LUZP2: variants seen among roughly 807,000 people sequenced by gnomAD.
LUZP2 encodes the protein leucine zipper protein 2.
In LUZP2, 52 loss-of-function variants were observed where a neutral mutation model predicts 51.6. The observed-to-expected ratio is 1.01, with a 90% CI of 0.81 to 1.27. LUZP2 has a LOEUF of 1.27. Ranked by LOEUF, LUZP2 falls within the 50% of genes most tolerant of loss-of-function variation. The pLI, the probability that LUZP2 is intolerant of heterozygous loss-of-function variation, is 0.00. For missense variants in LUZP2, 436 were observed against 395.4 expected (o/e 1.10, Z -0.87); for synonymous variants, 154 against 137.3 (o/e 1.12, Z -0.85).
intron 5 of LUZP2, among the ~76,000 whole-genome samples, chr11:24,769,786 C>CTCTTTTTTTTT (rs764723270): frequency 4.2e-4 from 61 of 146,982 alleles, no homozygotes; most frequent in Non-Finnish European, 7.3e-4. Flanking sequence ...ACTAAATTCT[C>CTCTTTTTTTTT]TTTTTTGTTT....
At chr11:24,511,783 C>T (rs529830022) in intron 1 of LUZP2, among the ~76,000 whole-genome samples, 5 of 152,166 alleles carry the variant, frequency 3.3e-5, no homozygotes, top group Admixed American at 6.5e-5. Context: ...GTTGTTCTTT[C>T]TTGAACTTTT....
rs566390979 is a variant in LUZP2 at position 24,673,360 on chromosome 11, A to T, written c.63-55809A>T. Among the ~76,000 whole-genome samples, 4 of 152,300 alleles carry T rather than the reference A, an allele frequency of 2.6e-5. No homozygotes were observed. In the South Asian group the frequency reaches 6.2e-4, roughly 24 times the overall value. On this transcript the variant is annotated intron_variant, in intron 1 of 11. Coordinates refer to ENST00000336930, the MANE Select transcript of LUZP2 (RefSeq NM_001009909.4). The stretch of plus-strand genomic sequence containing the variant: ...TATATATCCTATTTTTGATTTCATG[A>T]AGTCCAATGTGGCTTCAGAAACCAG...
chr11:24,786,820 T>C (rs1849263010), intron 5 of LUZP2: 1 of 151,790 alleles, frequency 6.6e-6, no homozygotes, highest in Admixed American at 6.6e-5. Context: ...CAATTGCCTA[T>C]GTTTTCTTTC....
Position 24,736,001 on chromosome 11 carries a change from G to A in LUZP2, c.252-2220G>A, listed in dbSNP as rs12276888. 4.8e-3 allele frequency among the ~76,000 whole-genome samples: 726 copies of A among 152,116 alleles called. 11 individuals carry two copies. Among genetic ancestry groups the A allele is most frequent in the African/African-American group, 0.017 (690 of 41,546 alleles). On this transcript the variant is annotated intron_variant, in intron 3 of 11. Coordinates refer to ENST00000336930, the MANE Select transcript of LUZP2 (RefSeq NM_001009909.4). The stretch of plus-strand genomic sequence containing the variant: ...CATAAGCCTAGAAAGAAGGCAGAAG[G>A]AGAGATGAAGAGATATAGAAGACAA...
chr11:24,934,306 C>A (rs1854534996), intron 7 of LUZP2, among the ~76,000 whole-genome samples: 1 of 152,148 alleles, frequency 6.6e-6, no homozygotes, highest in Non-Finnish European at 1.5e-5. Flanking sequence ...AATTTAGAAA[C>A]CATTGCTTTA....
intron 9 of LUZP2, among the ~76,000 whole-genome samples, chr11:25,020,846 A>G (rs1189655114): frequency 6.6e-6 from 1 of 152,084 alleles, no homozygotes; most frequent in Non-Finnish European, 1.5e-5. Flanking sequence ...ACGTTGTAAT[A>G]GGCACATGAT....
chr11:24,606,977 ATTCT>A (rs987688915), intron 1 of LUZP2, among the ~76,000 whole-genome samples: 2 of 151,802 alleles, frequency 1.3e-5, no homozygotes, highest in African/African-American at 4.8e-5. Context: ...TCCTTTAATC[ATTCT>A]TTACTTGGTT....
intron 7 of LUZP2, among the ~76,000 whole-genome samples, chr11:24,921,607 T>C (rs1261931267): frequency 1.3e-5 from 2 of 152,198 alleles, no homozygotes; most frequent in African/African-American, 4.8e-5. Context: ...GGGTTATTTT[T>C]TATTACAGGA....
At chr11:24,960,788 G>A (rs1242108316) in intron 7 of LUZP2, among the ~76,000 whole-genome samples, 1 of 152,050 alleles carries the variant, frequency 6.6e-6, no homozygotes, top group African/African-American at 2.4e-5. Context: ...CCTTCTGCTA[G>A]CTTTTGAATG....
intron 1 of LUZP2, among the ~76,000 whole-genome samples, chr11:24,655,924 C>T (rs1302493890): frequency 3.9e-5 from 6 of 152,188 alleles, no homozygotes; most frequent in Admixed American, 3.9e-4. Flanking sequence ...CTACTTCCTT[C>T]ATTAAAGATT....
intron 1 of LUZP2, among the ~76,000 whole-genome samples, chr11:24,723,692 A>G (rs993991): frequency 0.36 from 54,225 of 151,760 alleles, 10,089 homozygotes; most frequent in Non-Finnish European, 0.41. Context: ...AGCCCTGAGT[A>G]TGGTGATGTG....
chr11:24,575,459 C>T (rs577793737), intron 1 of LUZP2, among the ~76,000 whole-genome samples: 5 of 152,150 alleles, frequency 3.3e-5, no homozygotes, highest in Non-Finnish European at 7.4e-5. Flanking sequence ...CCATATTTCA[C>T]TGGCTTGGTC....
At chr11:24,962,664 G>A (rs773237953) in intron 7 of LUZP2, among the ~76,000 whole-genome samples, 9 of 152,066 alleles carry the variant, frequency 5.9e-5, no homozygotes, top group South Asian at 4.1e-4. Context: ...TTATACATTC[G>A]TGTAAATTTT....
intron 7 of LUZP2, among the ~76,000 whole-genome samples, chr11:24,946,309 C>G (rs1449551010): frequency 6.6e-6 from 1 of 151,858 alleles, no homozygotes; most frequent in Non-Finnish European, 1.5e-5. Flanking sequence ...CTGCTGCTTC[C>G]TGATTGTTTA....
At chr11:24,541,819 A>G (rs1026483151) in intron 1 of LUZP2, among the ~76,000 whole-genome samples, 24 of 152,122 alleles carry the variant, frequency 1.6e-4, no homozygotes, top group African/African-American at 4.6e-4. Context: ...AAGACAAAGC[A>G]TGAAGATAAG....
At chr11:24,848,380 G>C (rs1240791797) in intron 5 of LUZP2, among the ~76,000 whole-genome samples, 4 of 152,016 alleles carry the variant, frequency 2.6e-5, no homozygotes, top group Non-Finnish European at 4.4e-5. Context: ...TGCTCAATTT[G>C]CTTATGTTTG....
intron 5 of LUZP2, among the ~76,000 whole-genome samples, chr11:24,873,522 C>T (rs181971958): frequency 6.6e-6 from 1 of 152,048 alleles, no homozygotes; most frequent in Non-Finnish European, 1.5e-5. Context: ...TTCAGATAAC[C>T]CTTTGACTTC....
At chr11:24,886,986 G>C (rs1852685673) in intron 5 of LUZP2, among the ~76,000 whole-genome samples, 1 of 152,132 alleles carries the variant, frequency 6.6e-6, no homozygotes, top group African/African-American at 2.4e-5. Context: ...TTTACCTGGT[G>C]AATGTCCTAA....
intron 6 of LUZP2, among the ~76,000 whole-genome samples, chr11:24,912,812 G>GA (rs990084087): frequency 1.3e-5 from 2 of 151,760 alleles, no homozygotes; most frequent in Admixed American, 6.6e-5. Context: ...TCCATCTCAA[G>GA]AAAAAAAAGT....
Sources: allele counts gnomAD v4.1 joint callset (sites outside exome capture counted in the v4.1 genomes callset), GRCh38; gene constraint gnomAD v4.1.1; transcripts MANE v1.5; gene names NCBI Gene and HGNC (gene_info 2026-07-23, HGNC 2026-07-21).